SGMS1: variants seen among roughly 807,000 people sequenced by gnomAD.
SGMS1 encodes sphingomyelin synthase 1, also known as phosphatidylcholine:ceramide cholinephosphotransferase 1.
A neutral mutation model predicts 46.2 loss-of-function variants in SGMS1; 13 were observed. The ratio of observed to expected loss-of-function variants is 0.28; its 90% CI spans 0.18 to 0.45. The LOEUF is 0.45. Among genes scored for constraint, SGMS1 ranks in the 20% least tolerant of loss-of-function variants. SGMS1 has a pLI of 1.00. For synonymous variants in SGMS1, 203 were observed against 187.8 expected, an observed-to-expected ratio of 1.08 and a Z score of -0.66; for missense variants, 324 against 519.9, an observed-to-expected ratio of 0.62 and a Z score of 3.66.
At chr10:50,514,925 G>A (rs2133779051) in intron 3 of SGMS1, among the ~76,000 whole-genome samples, 1 of 152,224 alleles carries the variant, frequency 6.6e-6, no homozygotes, top group Middle Eastern at 3.4e-3. Context: ...CCAGACTGTG[G>A]CAAGGGCCAA....
intron 1 of SGMS1, among the ~76,000 whole-genome samples, chr10:50,603,219 G>A (rs12249902): frequency 0.039 from 5,917 of 152,254 alleles, 389 homozygotes; most frequent in African/African-American, 0.13. Flanking sequence ...TGTAGGATGA[G>A]CTTTTTACAG....
intron 1 of SGMS1, among the ~76,000 whole-genome samples, chr10:50,614,636 G>A (rs1331465568): frequency 1.3e-5 from 2 of 152,208 alleles, no homozygotes; most frequent in African/African-American, 2.4e-5. Flanking sequence ...GTTGTAAGCA[G>A]CCTTCGAGTG....
chr10:50,535,494 T>C (rs1837992602), intron 2 of SGMS1, among the ~76,000 whole-genome samples: 1 of 151,978 alleles, frequency 6.6e-6, no homozygotes, highest in Admixed American at 6.5e-5. Flanking sequence ...GCTTCTCAAG[T>C]AGCTGGGATT....
intron 2 of SGMS1, among the ~76,000 whole-genome samples, chr10:50,536,872 A>G (rs1439904214): frequency 2.6e-5 from 4 of 152,240 alleles, no homozygotes; most frequent in East Asian, 1.9e-4. Context: ...TATTTATTCA[A>G]TCCCCTTTTG....
chr10:50,612,552 C>T (rs1477743577), intron 1 of SGMS1, among the ~76,000 whole-genome samples: 2 of 152,196 alleles, frequency 1.3e-5, no homozygotes, highest in Non-Finnish European at 2.9e-5. Context: ...GGGAATTTCA[C>T]ACTTAGCCAA....
At chr10:50,605,122 G>A (rs1838683326) in intron 1 of SGMS1, among the ~76,000 whole-genome samples, 1 of 118,958 alleles carries the variant, frequency 8.4e-6, no homozygotes, top group African/African-American at 3.4e-5. Context: ...GTCACTGCAA[G>A]ATGCCCAGGC....
At chr10:50,496,904 A>C (rs982669339) in intron 3 of SGMS1, among the ~76,000 whole-genome samples, 4 of 152,228 alleles carry the variant, frequency 2.6e-5, no homozygotes, top group Non-Finnish European at 4.4e-5. Context: ...GTAGTCCTCC[A>C]TGCATGTCAA....
intron 8 of SGMS1, among the ~76,000 whole-genome samples, chr10:50,320,945 T>C (rs574277619): frequency 6.6e-6 from 1 of 152,320 alleles, no homozygotes; most frequent in South Asian, 2.1e-4. Flanking sequence ...TTCTGTCTCT[T>C]TCACAGCTTC....
chr10:50,313,774 T>C (rs983892879), intron 8 of SGMS1, among the ~76,000 whole-genome samples: 1 of 152,224 alleles, frequency 6.6e-6, no homozygotes, highest in Admixed American at 6.5e-5. Context: ...AGAAAATCTT[T>C]GTGGTGAAAC....
At chr10:50,556,365 G>A (rs1838189336) in intron 2 of SGMS1, among the ~76,000 whole-genome samples, 3 of 152,332 alleles carry the variant, frequency 2.0e-5, no homozygotes, top group South Asian at 4.1e-4. Flanking sequence ...CAGAAAGCAG[G>A]CAGAGGGCCA....
rs549963844 is a variant in SGMS1 at position 50,330,740 on chromosome 10, A to G, written c.624-3418T>C. Among the ~76,000 whole-genome samples the G allele has an allele frequency of 9.8e-5, 15 of 152,292 alleles. No homozygotes were observed. In the South Asian group the frequency reaches 2.3e-3, roughly 23 times the overall value. On this transcript the variant is annotated intron_variant, in intron 7 of 10. Transcript: ENST00000361781. Reference sequence around the variant, plus strand: ...AATTCAAAACTAAGAGGCAATACACAAGGGAGAGCACATGTAACTAACACA... The same window carrying G: ...AATTCAAAACTAAGAGGCAATACACGAGGGAGAGCACATGTAACTAACACA...
At chr10:50,388,400 G>C (rs1021455672) in intron 6 of SGMS1, among the ~76,000 whole-genome samples, 1 of 148,428 alleles carries the variant, frequency 6.7e-6, no homozygotes. Flanking sequence ...TTGGGAAGAA[G>C]AAGTGGACAG....
intron 7 of SGMS1, chr10:50,341,111 C>G (rs1040346313): frequency 6.1e-6 from 2 of 329,634 alleles, no homozygotes; most frequent in African/African-American, 4.3e-5. Context: ...ATCCCATAAC[C>G]AGAAGGATCA....
chr10:50,610,225 C>T (rs1206734440), intron 1 of SGMS1, among the ~76,000 whole-genome samples: 1 of 152,162 alleles, frequency 6.6e-6, no homozygotes, highest in African/African-American at 2.4e-5. Context: ...TCTGCCTCAC[C>T]CCCTTTTACC....
At chr10:50,460,061 C>A (rs1837245438) in intron 5 of SGMS1, 1 of 152,024 alleles carries the variant, frequency 6.6e-6, no homozygotes, top group Non-Finnish European at 1.5e-5. Flanking sequence ...CCAGTGCATC[C>A]AAAGCCAGAC....
At chr10:50,382,868 CTA>C (rs975907997) in intron 6 of SGMS1, among the ~76,000 whole-genome samples, 1 of 152,160 alleles carries the variant, frequency 6.6e-6, no homozygotes, top group African/African-American at 2.4e-5. Context: ...TAGCACCACA[CTA>C]TGCTAGCTGA....
At chr10:50,317,729 T>G (rs190771500) in intron 8 of SGMS1, among the ~76,000 whole-genome samples, 1 of 152,298 alleles carries the variant, frequency 6.6e-6, no homozygotes, top group Admixed American at 6.5e-5. Context: ...TATTCACTAT[T>G]CACTAACTAT....
At chr10:50,316,971 G>T (rs1053014432) in intron 8 of SGMS1, among the ~76,000 whole-genome samples, 3 of 152,048 alleles carry the variant, frequency 2.0e-5, no homozygotes, top group Admixed American at 6.6e-5. Context: ...TGAGCTTTTG[G>T]CTATGAAAAA....
At chr10:50,476,591 A>C (rs775355962) in intron 3 of SGMS1, among the ~76,000 whole-genome samples, 7 of 152,236 alleles carry the variant, frequency 4.6e-5, no homozygotes, top group Non-Finnish European at 1.0e-4. Context: ...CCTCCAATGC[A>C]CTTCAGAGAC....
Sources: gnomAD v4.1 joint callset for allele counts (sites outside exome capture counted in the v4.1 genomes callset) on GRCh38, gnomAD v4.1.1 for gene constraint, MANE v1.5 for transcripts, NCBI Gene and HGNC (gene_info 2026-07-23, HGNC 2026-07-21) for gene names.